Variants in UGT8 observed in about 807,000 individuals in gnomAD.
UGT8 encodes the protein UDP glycosyltransferase 8.
A neutral mutation model predicts 40.5 loss-of-function variants in UGT8; 12 were observed. The observed-to-expected ratio is 0.30, with a 90% CI of 0.19 to 0.48. UGT8 has a LOEUF of 0.48. Ranked by LOEUF, UGT8 falls within the 20% of genes least tolerant of loss-of-function variation. UGT8 has a pLI of 0.99. For missense variants in UGT8, 513 were observed against 648.7 expected (o/e 0.79, Z 2.27); for synonymous variants, 224 against 240.4 (o/e 0.93, Z 0.63).
At chr4:114,629,005 T>C (rs1023229496) in intron 2 of UGT8, among the ~76,000 whole-genome samples, 5 of 151,932 alleles carry the variant, frequency 3.3e-5, no homozygotes, top group Non-Finnish European at 7.4e-5. Context: ...TTACTTCCTA[T>C]TACATATGGT....
At chr4:114,611,443 TATAC>T (rs1336019123) in intron 1 of UGT8, among the ~76,000 whole-genome samples, 1 of 72,774 alleles carries the variant, frequency 1.4e-5, no homozygotes, top group Non-Finnish European at 2.7e-5. Flanking sequence ...TATATATATA[TATAC>T]ACACACACAC....
chr4:114,653,006 A>G (rs1435279060), intron 2 of UGT8, among the ~76,000 whole-genome samples: 2 of 152,042 alleles, frequency 1.3e-5, no homozygotes, highest in African/African-American at 4.8e-5. Context: ...CCTTGAGATG[A>G]CCAAGCCACT....
chr4:114,646,925 A>G (rs1439223903), intron 2 of UGT8, among the ~76,000 whole-genome samples: 1 of 152,178 alleles, frequency 6.6e-6, no homozygotes, highest in Non-Finnish European at 1.5e-5. Flanking sequence ...ATTGAGACAG[A>G]GCTAAATCTT....
At chr4:114,629,727 G>T (rs1468039539) in intron 2 of UGT8, among the ~76,000 whole-genome samples, 1 of 152,140 alleles carries the variant, frequency 6.6e-6, no homozygotes, top group Admixed American at 6.5e-5. Flanking sequence ...TTAATAGCTT[G>T]TCATCTGCTT....
intron 1 of UGT8, among the ~76,000 whole-genome samples, chr4:114,621,912 GA>G (rs1314446956): frequency 1.3e-5 from 2 of 151,602 alleles, no homozygotes; most frequent in Admixed American, 1.3e-4. Flanking sequence ...TTTTAATAGT[GA>G]TTTTTTTTGT....
intron 2 of UGT8, among the ~76,000 whole-genome samples, chr4:114,637,339 C>T (rs984669840): frequency 6.6e-6 from 1 of 152,158 alleles, no homozygotes; most frequent in Admixed American, 6.5e-5. Context: ...ATAAAATAGG[C>T]CGGACACATC....
At chr4:114,599,385 G>C (rs1171858957) in intron 1 of UGT8, among the ~76,000 whole-genome samples, 6 of 152,284 alleles carry the variant, frequency 3.9e-5, no homozygotes, top group Admixed American at 1.3e-4. Context: ...CCAGAGGCCA[G>C]AGCCAGCTGC....
At chr4:114,626,121 G>A (rs1732202727) in intron 2 of UGT8, among the ~76,000 whole-genome samples, 1 of 152,050 alleles carries the variant, frequency 6.6e-6, no homozygotes, top group Admixed American at 6.6e-5. Flanking sequence ...TTTTGAGCAG[G>A]GAGTATTTTG....
intron 1 of UGT8, among the ~76,000 whole-genome samples, chr4:114,616,628 C>T (rs1235586002): frequency 6.6e-6 from 1 of 152,078 alleles, no homozygotes; most frequent in African/African-American, 2.4e-5. Flanking sequence ...GTCCAACACT[C>T]CCCAGTGAGA....
At chr4:114,660,394 A>G (rs186605641) in intron 2 of UGT8, among the ~76,000 whole-genome samples, 2 of 152,120 alleles carry the variant, frequency 1.3e-5, no homozygotes, top group African/African-American at 4.8e-5. Context: ...CTGATTATTC[A>G]TGTGAAACAA....
intron 2 of UGT8, among the ~76,000 whole-genome samples, chr4:114,646,529 A>G (rs1733582429): frequency 6.6e-6 from 1 of 152,174 alleles, no homozygotes; most frequent in South Asian, 2.1e-4. Flanking sequence ...TTATTTTCCA[A>G]AAGTAGCATT....
In UGT8 at chr4:114,664,022, A is replaced by G; in HGVS notation, c.850A>G (p.Asn284Asp). Residue 284 changes from asparagine to aspartate, a missense_variant, in exon 3 of 6, where the codon AAT (asparagine) becomes GAT (aspartate). Asn to Asp is a conservative substitution (Grantham distance 23). Coordinates refer to ENST00000310836, the MANE Select transcript of UGT8 (RefSeq NM_001128174.3). ...EDLQRWVNGANEHGFVLVSFG... is the reference protein window; with the variant it reads ...EDLQRWVNGADEHGFVLVSFG... Reference sequence around the variant, plus strand: ...TCTCCAAAGATGGGTAAATGGTGCTAATGAACATGGCTTTGTCTTGGTGTC... The same window carrying G: ...TCTCCAAAGATGGGTAAATGGTGCTGATGAACATGGCTTTGTCTTGGTGTC... 4 of 1,614,052 alleles carry G rather than the reference A, an allele frequency of 2.5e-6. No individual in the cohort carries two copies. Among genetic ancestry groups the G allele is most frequent in the Non-Finnish European group, 3.4e-6 (4 of 1,179,954 alleles).
chr4:114,659,524 A>G (rs6856096), intron 2 of UGT8, among the ~76,000 whole-genome samples: 134,821 of 152,112 alleles, frequency 0.89, 61,377 homozygotes, highest in East Asian at 1. Context: ...TACCCATAGA[A>G]GTAGTCCGGG....
chr4:114,671,841 T>G (rs1043162650), intron 5 of UGT8, among the ~76,000 whole-genome samples: 4 of 152,122 alleles, frequency 2.6e-5, no homozygotes, highest in African/African-American at 9.7e-5. Flanking sequence ...TTCATTAAAC[T>G]AAAGTTTCTG....
intron 2 of UGT8, among the ~76,000 whole-genome samples, chr4:114,653,656 A>C (rs1462257092): frequency 6.6e-6 from 1 of 152,118 alleles, no homozygotes; most frequent in African/African-American, 2.4e-5. Flanking sequence ...ATTGCCTGTC[A>C]CTAAACTGTT....
At chr4:114,672,560 C>G (rs191017190) in intron 5 of UGT8, among the ~76,000 whole-genome samples, 1 of 152,182 alleles carries the variant, frequency 6.6e-6, no homozygotes, top group African/African-American at 2.4e-5. Flanking sequence ...GCACATAACA[C>G]AGGAACAGAA....
At chr4:114,615,726 C>T (rs1731368285) in intron 1 of UGT8, among the ~76,000 whole-genome samples, 1 of 152,176 alleles carries the variant, frequency 6.6e-6, no homozygotes, top group Admixed American at 6.5e-5. Flanking sequence ...CAAGGGCATA[C>T]ATTAGAAATT....
chr4:114,652,957 C>G (rs1322821923), intron 2 of UGT8, among the ~76,000 whole-genome samples: 1 of 152,032 alleles, frequency 6.6e-6, no homozygotes, highest in Non-Finnish European at 1.5e-5. Flanking sequence ...GGCACTGTAT[C>G]ATGGCTCTAC....
intron 1 of UGT8, among the ~76,000 whole-genome samples, chr4:114,613,459 G>A (rs1358062879): frequency 6.6e-6 from 1 of 152,032 alleles, no homozygotes; most frequent in Non-Finnish European, 1.5e-5. Context: ...TACTTATTAA[G>A]TACTAAAAAT....
Sources: gnomAD v4.1 joint callset for allele counts (sites outside exome capture counted in the v4.1 genomes callset) on GRCh38, gnomAD v4.1.1 for gene constraint, MANE v1.5 for transcripts, NCBI Gene and HGNC (gene_info 2026-07-23, HGNC 2026-07-21) for gene names.